The following LYST variants were observed in gnomAD, a reference collection of about 807,000 sequenced individuals.
LYST encodes the protein lysosomal-trafficking regulator.
Under a neutral mutation model 413.6 loss-of-function variants are expected in LYST, and 192 were observed. That is an observed-to-expected ratio of 0.46 (90% CI 0.41 to 0.52). LYST has a LOEUF of 0.52. Among genes scored for constraint, LYST ranks in the 20% least tolerant of loss-of-function variants. The pLI is 0.00. For synonymous variants in LYST, 1,525 were observed against 1,567.3 expected (o/e 0.97, Z 0.64); for missense variants, 3,815 against 4,499.9 (o/e 0.85, Z 4.35).
intron 1 of LYST, among the ~76,000 whole-genome samples, chr1:235,847,542 C>G (rs529719022): frequency 6.6e-6 from 1 of 152,236 alleles, no homozygotes; most frequent in Middle Eastern, 3.4e-3. Flanking sequence ...GGAACCATAC[C>G]GCACATTTCA....
rs1262572250 is a variant in LYST, at chr1:235,662,682, A to T, written c.*258T>A. ...GAAAAAATTTTAAGAATATCATTTT[A>T]ATGTACCATGCGAGGCTTAAAACTT... is the stretch of plus-strand genomic sequence containing the variant. On this transcript the variant is annotated 3_prime_UTR_variant, in exon 53 of 53. Transcript: ENST00000389793. The T allele has an allele frequency of 2.0e-6, 1 of 494,666 alleles. No homozygotes were observed. Among genetic ancestry groups the T allele is most frequent in the Non-Finnish European group, 3.7e-6 (1 of 272,172 alleles). 30.6% of individuals were successfully genotyped at this position (494,666 alleles called of 1,614,324 possible).
At chr1:235,669,066 A>G (rs182294306) in intron 50 of LYST, among the ~76,000 whole-genome samples, 64 of 152,324 alleles carry the variant, frequency 4.2e-4, no homozygotes, top group South Asian at 2.7e-3. Flanking sequence ...TCTGTGGTAT[A>G]ATGAAAAATA....
intron 1 of LYST, among the ~76,000 whole-genome samples, chr1:235,847,537 C>T (rs1678021353): frequency 6.6e-6 from 1 of 152,092 alleles, no homozygotes; most frequent in Non-Finnish European, 1.5e-5. Context: ...TGAATGGAAC[C>T]ATACCGCACA....
At chr1:235,685,602 T>G (rs927307032) in intron 48 of LYST, among the ~76,000 whole-genome samples, 15 of 152,090 alleles carry the variant, frequency 9.9e-5, no homozygotes, top group African/African-American at 3.1e-4. Flanking sequence ...ATCCCAGCAC[T>G]TTGGAGGCCG....
chr1:235,809,976 A>G lies in LYST; in HGVS notation c.842T>C (p.Leu281Ser). The G allele has an allele frequency of 1.2e-6, 2 of 1,613,802 alleles. No individual in the cohort carries two copies. The highest frequency in any genetic ancestry group is 1.7e-6 in the Non-Finnish European group (2 of 1,179,854). The change falls in exon 5 of 53, where the codon TTA (leucine) becomes TCA (serine). Residue 281 changes from leucine to serine, a missense_variant. Coordinates refer to ENST00000389793, the MANE Select transcript of LYST (RefSeq NM_000081.4). The surrounding 1 kb of genome is among the most constrained non-coding windows in gnomAD (Gnocchi z 4.0). ...TAGTGTGGGCACTACACTGGCTGCTAAAGGAGAATTATGATTCAAGGTAAC... is the reference window on the plus strand; with the variant it reads ...TAGTGTGGGCACTACACTGGCTGCTGAAGGAGAATTATGATTCAAGGTAAC... ...FDVTLNHNSP[L>S]AASVVPTLTE...
chr1:235,830,201 T>G, intron 3 of LYST, 25 bp downstream of exon 3: 1 of 1,523,672 alleles, frequency 6.6e-7, no homozygotes, highest in South Asian at 1.1e-5. Flanking sequence ...TTGATGAAAG[T>G]AAGTATTTGA....
chr1:235,682,310 G>A (rs1035986017), intron 48 of LYST, among the ~76,000 whole-genome samples: 4 of 152,156 alleles, frequency 2.6e-5, no homozygotes, highest in African/African-American at 9.7e-5. Context: ...GGGCAAAAGG[G>A]CAAGACCCTG....
At chr1:235,807,398 T>C (rs1319882476) in intron 5 of LYST, among the ~76,000 whole-genome samples, 1 of 152,220 alleles carries the variant, frequency 6.6e-6, no homozygotes, top group Non-Finnish European at 1.5e-5. Flanking sequence ...ATAACTTTAA[T>C]ATAAGCCAGC....
intron 1 of LYST, among the ~76,000 whole-genome samples, chr1:235,863,655 T>C (rs1013101808): frequency 1.3e-5 from 2 of 151,836 alleles, no homozygotes; most frequent in African/African-American, 2.4e-5. Flanking sequence ...AAAACTACAA[T>C]TGGGAAAAGA....
chr1:235,848,861 T>C lies in LYST; in HGVS notation c.-97-15194A>G, dbSNP rs545793189. On this transcript the variant is annotated intron_variant, in intron 1 of 52. Transcript: ENST00000389793. ...GATACCCTGAACAGACCCAGCGAGA[T>C]TGAAATGGTAATTTAATAATTACCA... 9.2e-5 allele frequency among the ~76,000 whole-genome samples: 14 copies of C among 151,674 alleles called. No homozygotes were observed. The South Asian group carries it at 1.9e-3, about 20-fold the overall frequency.
rs750916490 is a variant in LYST, at chr1:235,715,196, C to T, written c.9784+5G>A. On this transcript the variant is annotated splice_donor_5th_base_variant and intron_variant, in intron 42 of 52. Coordinates refer to ENST00000389793, the MANE Select transcript of LYST (RefSeq NM_000081.4). ...TGACTTTTTAGGCAGTTATTAAATT[C>T]TTACCTTGATAGGCTAAAAACATTT... 6.2e-7 allele frequency: 1 copy of T among 1,613,432 alleles called. No homozygotes were observed. Among genetic ancestry groups the T allele is most frequent in the East Asian group, 2.2e-5 (1 of 44,866 alleles).
At chr1:235,732,316 C>A (rs192493228) in intron 34 of LYST, among the ~76,000 whole-genome samples, 24 of 151,826 alleles carry the variant, frequency 1.6e-4, no homozygotes, top group African/African-American at 5.3e-4. Context: ...TTTTCTTTTT[C>A]TTTTTTGACA....
At chr1:235,818,638 A>T (rs897339016) in intron 3 of LYST, among the ~76,000 whole-genome samples, 23 of 139,178 alleles carry the variant, frequency 1.7e-4, no homozygotes, top group South Asian at 2.2e-4. Context: ...ATGGTCTTTT[A>T]AAAAAAAAAA....
At chr1:235,699,541 G>A (rs530845070) in intron 45 of LYST, among the ~76,000 whole-genome samples, 5 of 152,192 alleles carry the variant, frequency 3.3e-5, no homozygotes, top group Admixed American at 1.3e-4. Context: ...ATAAACATAC[G>A]AGTGCATGTG....
intron 48 of LYST, among the ~76,000 whole-genome samples, chr1:235,679,399 A>G (rs906188034): frequency 2.0e-5 from 3 of 151,990 alleles, no homozygotes; most frequent in African/African-American, 7.3e-5. Context: ...GTTCTGCAGC[A>G]TTGAGTTTGT....
At chr1:235,802,031 TAA>T (rs1672287967) in intron 8 of LYST, among the ~76,000 whole-genome samples, 1 of 151,700 alleles carries the variant, frequency 6.6e-6, no homozygotes, top group Non-Finnish European at 1.5e-5. Flanking sequence ...CCATCTCTAC[TAA>T]AAATATAACA....
chr1:235,751,566 A>G (rs1461469917), intron 27 of LYST, among the ~76,000 whole-genome samples: 2 of 152,250 alleles, frequency 1.3e-5, no homozygotes, highest in African/African-American at 4.8e-5. Flanking sequence ...AAAAACCTTC[A>G]ATGGAAAAAT....
rs931178171 is a variant in LYST at position 235,724,013 on chromosome 1, T to A, written c.9315+15A>T. 1 of 1,608,648 alleles carries A rather than the reference T, an allele frequency of 6.2e-7. No homozygotes were observed. Among genetic ancestry groups the A allele is most frequent in the African/African-American group, 1.3e-5 (1 of 74,836 alleles). Reference sequence around the variant, plus strand: ...CACTTAAACAATATATATCAATTAATAAGGGTGAATTTACCTTGGTGTTAT... The same window carrying A: ...CACTTAAACAATATATATCAATTAAAAAGGGTGAATTTACCTTGGTGTTAT... On this transcript the variant is annotated intron_variant, in intron 39 of 52. Transcript: ENST00000389793.
rs573100227 is a variant in LYST at position 235,806,374 on chromosome 1, T to C, written c.2762A>G (p.Asn921Ser). ...KEAESDRESA[N>S]DSEDTSGYDS... ...ATAGCCAGAAGTATCTTCTGAGTCA[T>C]TGGCCGACTCCCTGTCAGACTCTGC... The change falls in exon 6 of 53, where the codon AAT becomes AGT. Residue 921 changes from asparagine (N) to serine (S), a missense_variant. Transcript: ENST00000389793. The C allele has an allele frequency of 2.2e-5, 35 of 1,613,932 alleles. No homozygotes were observed. Among genetic ancestry groups the C allele is most frequent in the Middle Eastern group, 1.6e-4 (1 of 6,084 alleles).
Sources: gnomAD v4.1 joint callset for allele counts (sites outside exome capture counted in the v4.1 genomes callset) on GRCh38, gnomAD v4.1.1 for gene constraint, Gnocchi (gnomAD v3.1) non-coding constraint, MANE v1.5 for transcripts, NCBI Gene and HGNC (gene_info 2026-07-23, HGNC 2026-07-21) for gene names.